B3GALT1: variants seen among roughly 807,000 people sequenced by gnomAD.
B3GALT1 encodes the protein beta-1,3-galactosyltransferase 1.
A neutral mutation model predicts 23.2 loss-of-function variants in B3GALT1; 10 were observed. That is an observed-to-expected ratio of 0.43 (90% CI 0.27 to 0.73). B3GALT1 has a LOEUF of 0.73. Among genes scored for constraint, B3GALT1 ranks in the 30% least tolerant of loss-of-function variants. The pLI, the probability that B3GALT1 is intolerant of heterozygous loss-of-function variation, is 0.21. For missense variants in B3GALT1, 299 were observed against 405.4 expected (o/e 0.74, Z 2.25); for synonymous variants, 156 against 141.5 (o/e 1.10, Z -0.73).
chr2:167,794,823 G>T (rs114826007), intron 3 of B3GALT1, among the ~76,000 whole-genome samples: 1 of 152,158 alleles, frequency 6.6e-6, no homozygotes, highest in African/African-American at 2.4e-5. Flanking sequence ...AAGACAAAGC[G>T]ATTTCTCACC....
At chr2:167,815,460 C>A (rs1049612592) in intron 3 of B3GALT1, among the ~76,000 whole-genome samples, 1 of 152,114 alleles carries the variant, frequency 6.6e-6, no homozygotes, top group Non-Finnish European at 1.5e-5. Context: ...CTCAAACAGA[C>A]CACACACAAA....
chr2:167,792,102 C>G (rs6740435), intron 3 of B3GALT1, among the ~76,000 whole-genome samples: 1 of 151,816 alleles, frequency 6.6e-6, no homozygotes, highest in Non-Finnish European at 1.5e-5. Flanking sequence ...ACCTCTCTGA[C>G]GGGATCCTGG....
At chr2:167,339,193 C>T (rs35622794) in intron 1 of B3GALT1, among the ~76,000 whole-genome samples, 2,999 of 152,054 alleles carry the variant, frequency 0.02, 53 homozygotes, top group Middle Eastern at 0.027. Context: ...TGGCAAAGAA[C>T]GGAAAGCATG....
chr2:167,817,248 G>GTAAT (rs1689012762), intron 3 of B3GALT1, among the ~76,000 whole-genome samples: 1 of 152,080 alleles, frequency 6.6e-6, no homozygotes, highest in Non-Finnish European at 1.5e-5. Context: ...TAAAATGAAG[G>GTAAT]TAATAATACA....
intron 1 of B3GALT1, among the ~76,000 whole-genome samples, chr2:167,330,921 T>A (rs1696962229): frequency 6.6e-6 from 1 of 152,158 alleles, no homozygotes; most frequent in South Asian, 2.1e-4. Context: ...GCTTCCTGTA[T>A]CTTTATGTTC....
At chr2:167,786,516 A>G (rs1461438057) in intron 3 of B3GALT1, among the ~76,000 whole-genome samples, 2 of 152,290 alleles carry the variant, frequency 1.3e-5, no homozygotes, top group Non-Finnish European at 2.9e-5. Flanking sequence ...TCTTCTTTCT[A>G]TGCTATAATA....
chr2:167,608,413 AT>A (rs2105429680), intron 2 of B3GALT1, among the ~76,000 whole-genome samples: 1 of 152,314 alleles, frequency 6.6e-6, no homozygotes, highest in East Asian at 1.9e-4. Context: ...GAGTTATAAG[AT>A]GCCTATCTTT....
chr2:167,498,765 A>G (rs938307261), intron 2 of B3GALT1, among the ~76,000 whole-genome samples: 3 of 152,124 alleles, frequency 2.0e-5, no homozygotes, highest in Admixed American at 2.0e-4. Context: ...TTCCAAGTCA[A>G]TTCTTTGCCC....
chr2:167,615,746 T>C (rs1439905215), intron 2 of B3GALT1, among the ~76,000 whole-genome samples: 1 of 151,492 alleles, frequency 6.6e-6, no homozygotes, highest in Non-Finnish European at 1.5e-5. Flanking sequence ...CCAGGTCTTA[T>C]GTAGTGTTTA....
At chr2:167,479,093 T>A (rs1014612113) in intron 1 of B3GALT1, among the ~76,000 whole-genome samples, 19 of 151,720 alleles carry the variant, frequency 1.3e-4, no homozygotes, top group Non-Finnish European at 2.5e-4. Context: ...AATAAATAAA[T>A]AATAAATAAA....
In B3GALT1 at chr2:167,430,025, A is replaced by T. The variant is rs551422953; in HGVS notation, c.-510-60152A>T. Among the ~76,000 whole-genome samples the T allele has an allele frequency of 4.6e-5, 7 of 152,346 alleles. No homozygotes were observed. In the South Asian group the frequency reaches 1.4e-3, roughly 32 times the overall value. On this transcript the variant is annotated intron_variant, in intron 1 of 4. Coordinates refer to ENST00000392690, the MANE Select transcript of B3GALT1 (RefSeq NM_020981.4). ...CTAGGGAGAGGCAGATAACAGACAA[A>T]ATATTTAAATAAAATGCACAGTATG...
chr2:167,679,033 C>T (rs1186074296), intron 3 of B3GALT1, among the ~76,000 whole-genome samples: 1 of 151,616 alleles, frequency 6.6e-6, no homozygotes, highest in Non-Finnish European at 1.5e-5. Flanking sequence ...CTTTTTATAC[C>T]TATTCTTTTG....
chr2:167,684,170 A>G (rs1031397778), intron 3 of B3GALT1, among the ~76,000 whole-genome samples: 3 of 152,212 alleles, frequency 2.0e-5, no homozygotes, highest in Non-Finnish European at 2.9e-5. Context: ...GAGAAATGCT[A>G]CTGCAGTCTC....
chr2:167,340,962 G>T (rs1697138005), intron 1 of B3GALT1, among the ~76,000 whole-genome samples: 1 of 152,088 alleles, frequency 6.6e-6, no homozygotes, highest in African/African-American at 2.4e-5. Context: ...AAGATGAAAA[G>T]ATGGAAAACT....
At chr2:167,740,838 T>G (rs549895713) in intron 3 of B3GALT1, among the ~76,000 whole-genome samples, 52 of 152,208 alleles carry the variant, frequency 3.4e-4, no homozygotes, top group Non-Finnish European at 6.6e-4. Flanking sequence ...GACCCCACTA[T>G]ACAACCAACC....
At chr2:167,715,788 G>A in intron 3 of B3GALT1, 4 of 1,613,416 alleles carry the variant, frequency 2.5e-6, no homozygotes, top group Non-Finnish European at 3.4e-6. Context: ...AATTTTTCAA[G>A]TAGTTTACAT....
chr2:167,308,575 AAAATG>A (rs1471208284), intron 1 of B3GALT1, among the ~76,000 whole-genome samples: 7 of 152,188 alleles, frequency 4.6e-5, no homozygotes, highest in South Asian at 2.1e-4. Context: ...AGTCAGTTGA[AAAATG>A]AAATGAAGAG....
intron 2 of B3GALT1, among the ~76,000 whole-genome samples, chr2:167,594,564 A>G (rs1684744126): frequency 6.6e-6 from 1 of 152,134 alleles, no homozygotes; most frequent in Non-Finnish European, 1.5e-5. Context: ...TCTGGAATCA[A>G]GTGGCCACTT....
chr2:167,308,457 T>A (rs1696582247), intron 1 of B3GALT1, among the ~76,000 whole-genome samples: 1 of 152,006 alleles, frequency 6.6e-6, no homozygotes, highest in Admixed American at 6.6e-5. Flanking sequence ...GTCATATACT[T>A]TACTATGCTA....
Sources: allele counts gnomAD v4.1 joint callset (sites outside exome capture counted in the v4.1 genomes callset), GRCh38; gene constraint gnomAD v4.1.1; transcripts MANE v1.5; gene names NCBI Gene and HGNC (gene_info 2026-07-23, HGNC 2026-07-21).